The following DPP6 variants were observed in gnomAD, a reference collection of about 807,000 sequenced individuals.
The protein encoded by DPP6 is A-type potassium channel modulatory protein DPP6.
In DPP6, 69 loss-of-function variants were observed where a neutral mutation model predicts 122.6. The observed-to-expected ratio is 0.56, with a 90% CI of 0.46 to 0.69. DPP6 has a LOEUF of 0.69. Among genes scored for constraint, DPP6 ranks in the 30% least tolerant of loss-of-function variants. The pLI is 0.00. For synonymous variants in DPP6, 418 were observed against 433.1 expected, an observed-to-expected ratio of 0.97 and a Z score of 0.43; for missense variants, 928 against 1,116.9, an observed-to-expected ratio of 0.83 and a Z score of 2.41.
intron 17 of DPP6, among the ~76,000 whole-genome samples, chr7:154,860,650 T>C (rs1039147087): frequency 6.6e-6 from 1 of 152,240 alleles, no homozygotes; most frequent in East Asian, 1.9e-4. Context: ...TCCTACAGCC[T>C]GTGGCCCTCA....
chr7:154,169,093 G>A (rs574085361), intron 1 of DPP6, among the ~76,000 whole-genome samples: 16 of 93,794 alleles, frequency 1.7e-4, no homozygotes, highest in Non-Finnish European at 2.9e-4. Flanking sequence ...TTCTGATTGC[G>A]CTGCTGGCTT....
At chr7:154,388,076 A>C (rs888776883) in intron 1 of DPP6, among the ~76,000 whole-genome samples, 3 of 151,874 alleles carry the variant, frequency 2.0e-5, no homozygotes, top group Admixed American at 2.0e-4. Flanking sequence ...CCAAGGGGGG[A>C]GTTTCACTTG....
intron 7 of DPP6, among the ~76,000 whole-genome samples, chr7:154,714,286 A>G (rs140173524): frequency 6.6e-6 from 1 of 151,996 alleles, no homozygotes; most frequent in East Asian, 1.9e-4. Flanking sequence ...ACCCGTTCCA[A>G]CCTCTGCCTG....
chr7:154,304,228 G>A (rs1330036136), intron 1 of DPP6, among the ~76,000 whole-genome samples: 2 of 152,242 alleles, frequency 1.3e-5, no homozygotes, highest in Non-Finnish European at 2.9e-5. Flanking sequence ...CCACATGCTG[G>A]CCTGGAGTGC....
chr7:154,781,942 A>G (rs1797054353), intron 10 of DPP6, among the ~76,000 whole-genome samples: 1 of 152,242 alleles, frequency 6.6e-6, no homozygotes, highest in South Asian at 2.1e-4. Context: ...AAACAAATGG[A>G]CTAATAAAAA....
chr7:154,253,462 A>C (rs1802476706), intron 1 of DPP6, among the ~76,000 whole-genome samples: 1 of 152,232 alleles, frequency 6.6e-6, no homozygotes, highest in Non-Finnish European at 1.5e-5. Context: ...CTACCTACAC[A>C]CTAACCTTAT....
chr7:154,365,097 T>G (rs2151105858), intron 1 of DPP6, among the ~76,000 whole-genome samples: 1 of 152,310 alleles, frequency 6.6e-6, no homozygotes, highest in African/African-American at 2.4e-5. Context: ...TTCATTTGAC[T>G]TGGTGTCAGG....
rs1797791807 is a variant in DPP6 at position 154,176,143 on chromosome 7, G to A, written c.243+123080G>A. Among the ~76,000 whole-genome samples the A allele has an allele frequency of 2.0e-5, 3 of 152,208 alleles. No homozygotes were observed. In the South Asian group the frequency reaches 6.2e-4, roughly 32 times the overall value. ...GGACAAGATTTCTTCTTAGAAATGT[G>A]CCCTAAGCAAGTGAATTGAGTAAAA... On this transcript the variant is annotated intron_variant, in intron 1 of 25. Coordinates refer to ENST00000377770, the MANE Select transcript of DPP6 (RefSeq NM_130797.4).
intron 1 of DPP6, among the ~76,000 whole-genome samples, chr7:154,357,124 T>C (rs1298597433): frequency 6.6e-6 from 1 of 152,154 alleles, no homozygotes; most frequent in Admixed American, 6.6e-5. Flanking sequence ...CCATGAACAA[T>C]GAATAGCTGA....
intron 1 of DPP6, among the ~76,000 whole-genome samples, chr7:154,261,409 A>C (rs1016398211): frequency 1.3e-5 from 2 of 152,230 alleles, no homozygotes; most frequent in Non-Finnish European, 2.9e-5. Context: ...CAAGGACTTA[A>C]GTCTAAGACC....
intron 1 of DPP6, among the ~76,000 whole-genome samples, chr7:153,963,201 A>AAAG (rs905337367): frequency 2.6e-5 from 4 of 152,072 alleles, no homozygotes; most frequent in African/African-American, 9.7e-5. Context: ...GAAGAGGTGA[A>AAAG]AAGAAAGAAC....
In DPP6 at chr7:154,795,897, G is replaced by A; in HGVS notation, c.1299+14G>A. On this transcript the variant is annotated intron_variant, in intron 12 of 25. Transcript: ENST00000377770. Reference sequence around the variant, plus strand: ...CTCCACAGACAGGTAACTACTGCATGTCCGGGTCCCCACTGTCACCTCCAC... The same window carrying A: ...CTCCACAGACAGGTAACTACTGCATATCCGGGTCCCCACTGTCACCTCCAC... 7 of 1,607,348 alleles carry A rather than the reference G, an allele frequency of 4.4e-6. No individual in the cohort carries two copies. Among genetic ancestry groups the A allele is most frequent in the Non-Finnish European group, 5.9e-6 (7 of 1,177,326 alleles).
chr7:154,356,039 G>T (rs1288014738), intron 1 of DPP6, among the ~76,000 whole-genome samples: 1 of 151,976 alleles, frequency 6.6e-6, no homozygotes, highest in East Asian at 1.9e-4. Context: ...TCTATGTAAG[G>T]TCTTGCTTAT....
intron 7 of DPP6, among the ~76,000 whole-genome samples, chr7:154,707,512 A>C (rs1840901669): frequency 6.6e-6 from 1 of 152,142 alleles, no homozygotes; most frequent in African/African-American, 2.4e-5. Flanking sequence ...CCATTGCAAA[A>C]ATGAGATGAG....
At chr7:154,576,558 T>C (rs1167961121) in intron 5 of DPP6, among the ~76,000 whole-genome samples, 2 of 152,156 alleles carry the variant, frequency 1.3e-5, no homozygotes, top group African/African-American at 4.8e-5. Flanking sequence ...TTTCAATGCA[T>C]TATTTTATTA....
intron 1 of DPP6, among the ~76,000 whole-genome samples, chr7:153,903,415 A>G (rs1799721434): frequency 6.6e-6 from 1 of 152,200 alleles, no homozygotes; most frequent in South Asian, 2.1e-4. Flanking sequence ...GCCCTCTGAC[A>G]ACCCTGGATG....
At chr7:154,857,357 C>A (rs925364592) in intron 17 of DPP6, among the ~76,000 whole-genome samples, 1 of 152,096 alleles carries the variant, frequency 6.6e-6, no homozygotes, top group Non-Finnish European at 1.5e-5. Context: ...CCCTTCCTTG[C>A]ACGGCCATCC....
chr7:153,862,600 C>T, the DPP6 span, among the ~76,000 whole-genome samples: 1 of 152,316 alleles, frequency 6.6e-6, no homozygotes, highest in Non-Finnish European at 1.5e-5. Context: ...AATGCCTAAA[C>T]ATCTTTCTCC....
In DPP6 at chr7:154,811,643, A is replaced by G. The variant is rs114758118; in HGVS notation, c.1666+4531A>G. Among the ~76,000 whole-genome samples, 831 of 152,358 alleles carry G rather than the reference A, an allele frequency of 5.5e-3. 10 individuals carry two copies. The highest frequency in any genetic ancestry group is 0.019 in the African/African-American group (787 of 41,582). ...GCATGTGAATCAGGATCAAGTGAAT[A>G]CAAGCAACCTGATTTAATAAACAAA... On this transcript the variant is annotated intron_variant, in intron 16 of 25. Coordinates refer to ENST00000377770, the MANE Select transcript of DPP6 (RefSeq NM_130797.4).
Sources: gnomAD v4.1 joint callset for allele counts (sites outside exome capture counted in the v4.1 genomes callset) on GRCh38, gnomAD v4.1.1 for gene constraint, MANE v1.5 for transcripts, NCBI Gene and HGNC (gene_info 2026-07-23, HGNC 2026-07-21) for gene names.